Variants in MAP3K19 observed in about 807,000 individuals in gnomAD.
The protein encoded by MAP3K19 is SPS1/STE20-related protein kinase YSK4.
MAP3K19 carries 91 observed loss-of-function variants against 114.4 expected under a neutral mutation model. The observed-to-expected ratio is 0.80, with a 90% CI of 0.67 to 0.95. The LOEUF (loss-of-function observed/expected upper bound fraction) is 0.95, where lower values mean the gene tolerates loss of function less well. MAP3K19 is among the 40% of genes least tolerant of loss of function. MAP3K19 has a pLI of 0.00. For synonymous variants in MAP3K19, 518 were observed against 530.5 expected (o/e 0.98, Z 0.32); for missense variants, 1,471 against 1,573.2 (o/e 0.94, Z 1.10).
chr2:135,042,501 CAAAAAA>C (rs1168430275), intron 1 of MAP3K19, among the ~76,000 whole-genome samples: 1 of 58,778 alleles, frequency 1.7e-5, no homozygotes, highest in Non-Finnish European at 3.9e-5. Context: ...GACTCTGTCT[CAAAAAA>C]AAAAAAAAAA....
chr2:135,012,405 T>C (rs911396859), intron 5 of MAP3K19, among the ~76,000 whole-genome samples: 4 of 152,196 alleles, frequency 2.6e-5, no homozygotes, highest in Non-Finnish European at 5.9e-5. Context: ...CAGACTAAAC[T>C]ACTTAGAAAA....
In MAP3K19 at chr2:134,985,883, G is replaced by A. The variant is rs1685056453; in HGVS notation, c.2989C>T (p.Pro997Ser). The change falls in exon 10 of 13, where the codon CCT becomes TCT. Residue 997 changes from proline (P) to serine (S), a missense_variant. By Grantham distance (74) the Pro-to-Ser change is moderately conservative. Transcript: ENST00000392915. ...SCQKMANETD[P>S]ENLNLVLRWR... is the part of the protein sequence containing the mutation. The stretch of plus-strand genomic sequence containing the variant: ...CTGAGGACAAGATTTAGGTTTTCAG[G>A]ATCTGTTTCATTTGCCATTTTTTGG... 1.2e-6 allele frequency: 2 copies of A among 1,613,926 alleles called. No individual in the cohort carries two copies. The highest frequency in any genetic ancestry group is 1.7e-6 in the Non-Finnish European group (2 of 1,179,942).
At position 134,991,600 on chromosome 2, in the gene MAP3K19, A is replaced by G; in HGVS notation, c.575-20T>C. ...AAAACTCTACAACAAGAAAAACAAT[A>G]ACTGGATATTCTTAGTAGTAGAAAG... On this transcript the variant is annotated intron_variant, in intron 8 of 12. Coordinates refer to ENST00000392915, the MANE Select transcript of MAP3K19 (RefSeq NM_025052.5). 6.2e-7 allele frequency: 1 copy of G among 1,601,780 alleles called. No homozygotes were observed. Among genetic ancestry groups the G allele is most frequent in the Non-Finnish European group, 8.6e-7 (1 of 1,169,028 alleles).
At chr2:135,009,485 TAC>T (rs1429029634) in intron 5 of MAP3K19, among the ~76,000 whole-genome samples, 1 of 152,190 alleles carries the variant, frequency 6.6e-6, no homozygotes, top group East Asian at 1.9e-4. Flanking sequence ...TTCATTTAAT[TAC>T]AGTGATTCAG....
chr2:134,980,516 A>G (rs1417330617), intron 12 of MAP3K19, among the ~76,000 whole-genome samples: 2 of 152,244 alleles, frequency 1.3e-5, no homozygotes, highest in African/African-American at 2.4e-5. Flanking sequence ...AAGATGTCTC[A>G]TTGGTAAATA....
At chr2:135,007,328 G>C (rs1686898126) in intron 5 of MAP3K19, among the ~76,000 whole-genome samples, 2 of 151,922 alleles carry the variant, frequency 1.3e-5, no homozygotes. Context: ...TATATTTATG[G>C]GATACAGGAG....
intron 1 of MAP3K19, among the ~76,000 whole-genome samples, chr2:135,042,801 G>T (rs1490608064): frequency 6.6e-6 from 1 of 151,766 alleles, no homozygotes; most frequent in Non-Finnish European, 1.5e-5. Context: ...TTTGAATGTG[G>T]CTGGGCATGG....
At position 134,983,750 on chromosome 2, in the gene MAP3K19, C is replaced by A. The variant is rs1284582358; in HGVS notation, c.3148G>T (p.Glu1050Ter). ...LISNEKKIFS[E>*]NSLKSEEPIL... Reference sequence around the variant, plus strand: ...GGTTCTTCAGACTTTAAACTATTTTCAGAAAATATCTTCTTTTCATTTGAG... The same window carrying A: ...GGTTCTTCAGACTTTAAACTATTTTAAGAAAATATCTTCTTTTCATTTGAG... The change falls in exon 11 of 13, where the codon GAA becomes TAA. Residue 1050 changes from glutamate to a stop codon, truncating the protein, a stop_gained. Coordinates refer to ENST00000392915, the MANE Select transcript of MAP3K19 (RefSeq NM_025052.5). LOFTEE classifies it high-confidence loss of function. The A allele has an allele frequency of 6.2e-7, 1 of 1,607,604 alleles. No homozygotes were observed. The highest frequency in any genetic ancestry group is 8.5e-7 in the Non-Finnish European group (1 of 1,177,102).
chr2:135,037,310 C>T (rs1335932073), intron 2 of MAP3K19, among the ~76,000 whole-genome samples: 2 of 152,130 alleles, frequency 1.3e-5, no homozygotes, highest in Admixed American at 6.6e-5. Context: ...ACAGCAGACC[C>T]GGATGGTTTA....
intron 12 of MAP3K19, among the ~76,000 whole-genome samples, chr2:134,979,698 C>T (rs1684494240): frequency 7.1e-6 from 1 of 140,246 alleles, no homozygotes. Flanking sequence ...GGGCTCTGTC[C>T]ACAAAATCCA....
rs201014870 is a variant in MAP3K19, at chr2:134,967,647, G to C, written c.3921-2731C>G. Among the ~76,000 whole-genome samples the C allele has an allele frequency of 4.4e-3, 641 of 145,192 alleles. 6 individuals are homozygous for C. Among genetic ancestry groups the C allele is most frequent in the Middle Eastern group, 6.9e-3 (2 of 288 alleles). ...CTTGAACTTCCTTATGACTTAGATT[G>C]TATTGCTCACATGTTCGTTGCTGAC... On this transcript the variant is annotated intron_variant, in intron 12 of 12. Coordinates refer to ENST00000392915, the MANE Select transcript of MAP3K19 (RefSeq NM_025052.5).
intron 6 of MAP3K19, among the ~76,000 whole-genome samples, chr2:135,004,140 A>G (rs1022729778): frequency 2.6e-5 from 4 of 152,232 alleles, no homozygotes; most frequent in Non-Finnish European, 2.9e-5. Context: ...AATGACTAAC[A>G]TCCCAAATGG....
chr2:135,014,388 G>A (rs755967187), intron 5 of MAP3K19, among the ~76,000 whole-genome samples: 5 of 151,892 alleles, frequency 3.3e-5, no homozygotes, highest in African/African-American at 9.7e-5. Context: ...AAAAAAAAAG[G>A]CATGTTGTCC....
At chr2:135,015,391 A>G (rs1261489381) in intron 5 of MAP3K19, among the ~76,000 whole-genome samples, 2 of 152,098 alleles carry the variant, frequency 1.3e-5, no homozygotes, top group East Asian at 1.9e-4. Context: ...CTATTAGCCT[A>G]TCTGTTCCTA....
At chr2:134,978,616 C>T (rs576131532) in intron 12 of MAP3K19, among the ~76,000 whole-genome samples, 1 of 152,172 alleles carries the variant, frequency 6.6e-6, no homozygotes, top group South Asian at 2.1e-4. Flanking sequence ...CCTCCCTGTT[C>T]TTCTCTCACA....
intron 12 of MAP3K19, among the ~76,000 whole-genome samples, chr2:134,967,560 G>C (rs1683452490): frequency 6.6e-6 from 1 of 152,266 alleles, no homozygotes; most frequent in Non-Finnish European, 1.5e-5. Context: ...ACTCCACTGA[G>C]ATGTTTGGGT....
intron 6 of MAP3K19, among the ~76,000 whole-genome samples, chr2:135,003,835 T>C (rs1686623274): frequency 6.6e-6 from 1 of 152,250 alleles, no homozygotes; most frequent in African/African-American, 2.4e-5. Context: ...ATTACAGGCG[T>C]GAGCCACAGT....
Position 134,987,072 on chromosome 2 carries a change from C to T in MAP3K19, c.1800G>A (p.Lys600=), listed in dbSNP as rs149194881. 18 of 1,612,872 alleles carry T rather than the reference C, an allele frequency of 1.1e-5. No individual in the cohort carries two copies. Among genetic ancestry groups the T allele is most frequent in the Non-Finnish European group, 1.5e-5 (18 of 1,179,998 alleles). Residue 600 remains lysine, a synonymous_variant, in exon 10 of 13, where the codon AAG becomes AAA. Coordinates refer to ENST00000392915, the MANE Select transcript of MAP3K19 (RefSeq NM_025052.5). The part of the protein sequence containing the change: ...FQKKMPQIAK[K]QSTHRTQKPK... Reference sequence around the variant, plus strand: ...GTTTCTGAGTCCGGTGAGTTGATTGCTTCTTTGCTATCTGTGGCATTTTCT... The same window carrying T: ...GTTTCTGAGTCCGGTGAGTTGATTGTTTCTTTGCTATCTGTGGCATTTTCT...
intron 2 of MAP3K19, among the ~76,000 whole-genome samples, chr2:135,039,957 G>A (rs1419242127): frequency 2.0e-5 from 3 of 152,144 alleles, no homozygotes; most frequent in Non-Finnish European, 4.4e-5. Context: ...GCCCTTTTAA[G>A]CCTTATTATT....
Sources: gnomAD v4.1 joint callset for allele counts (sites outside exome capture counted in the v4.1 genomes callset) on GRCh38, gnomAD v4.1.1 for gene constraint, MANE v1.5 for transcripts, NCBI Gene and HGNC (gene_info 2026-07-23, HGNC 2026-07-21) for gene names.